Variants in ADGRB3 observed in about 807,000 individuals in gnomAD.
ADGRB3 encodes adhesion G protein-coupled receptor B3.
ADGRB3 carries 37 observed loss-of-function variants against 193.4 expected under a neutral mutation model. The observed-to-expected ratio is 0.19, with a 90% CI of 0.15 to 0.25. The LOEUF is 0.25. Among genes scored for constraint, ADGRB3 ranks in the 10% least tolerant of loss-of-function variants. The pLI, the probability that ADGRB3 is intolerant of heterozygous loss-of-function variation, is 1.00. For missense variants in ADGRB3, 1,637 were observed against 1,852.9 expected, an observed-to-expected ratio of 0.88 and a Z score of 2.14; for synonymous variants, 690 against 644.2, an observed-to-expected ratio of 1.07 and a Z score of -1.08.
chr6:69,169,722 A>C (rs1775224632), intron 17 of ADGRB3, among the ~76,000 whole-genome samples: 1 of 152,108 alleles, frequency 6.6e-6, no homozygotes, highest in Non-Finnish European at 1.5e-5. Flanking sequence ...TAACTAAAGA[A>C]TAATATTCTA....
intron 3 of ADGRB3, among the ~76,000 whole-genome samples, chr6:68,878,737 T>C (rs1038403592): frequency 1.4e-4 from 21 of 152,146 alleles, no homozygotes; most frequent in Non-Finnish European, 3.1e-4. Flanking sequence ...TTCACACTAC[T>C]GATAAAAACA....
intron 8 of ADGRB3, among the ~76,000 whole-genome samples, chr6:68,966,536 G>A (rs1768385857): frequency 6.6e-6 from 1 of 151,934 alleles, no homozygotes; most frequent in South Asian, 2.1e-4. Flanking sequence ...CCCACATGTG[G>A]TTCCCAGGAC....
At chr6:69,323,078 C>T (rs916000698) in intron 20 of ADGRB3, among the ~76,000 whole-genome samples, 12 of 151,952 alleles carry the variant, frequency 7.9e-5, no homozygotes, top group Non-Finnish European at 1.2e-4. Flanking sequence ...AATCTCTGTA[C>T]TCAGACATTG....
intron 13 of ADGRB3, among the ~76,000 whole-genome samples, chr6:69,027,078 C>CT (rs903427976): frequency 9.9e-5 from 15 of 152,058 alleles, no homozygotes; most frequent in East Asian, 1.9e-4. Context: ...ACTTTATAAA[C>CT]TTTTTTTTAA....
chr6:69,125,183 G>A (rs1446115068), intron 17 of ADGRB3, among the ~76,000 whole-genome samples: 1 of 152,102 alleles, frequency 6.6e-6, no homozygotes, highest in African/African-American at 2.4e-5. Context: ...TTCCCTGTTT[G>A]TGTAATCCTT....
chr6:69,002,658 T>C (rs917034806), intron 11 of ADGRB3, among the ~76,000 whole-genome samples: 5 of 152,218 alleles, frequency 3.3e-5, no homozygotes, highest in African/African-American at 9.6e-5. Context: ...CCAGACACTA[T>C]TGGCTTTTTT....
chr6:68,832,136 A>G (rs1302583920), intron 3 of ADGRB3, among the ~76,000 whole-genome samples: 1 of 152,142 alleles, frequency 6.6e-6, no homozygotes. Context: ...TGAATAATCT[A>G]GTAGGATTAG....
intron 3 of ADGRB3, among the ~76,000 whole-genome samples, chr6:68,685,802 G>T (rs149810640): frequency 0.016 from 2,435 of 152,104 alleles, 50 homozygotes; most frequent in Non-Finnish European, 0.019. Context: ...CTGAGGCAGA[G>T]AATTGCTTAA....
At chr6:68,901,027 C>T (rs1357231574) in intron 3 of ADGRB3, among the ~76,000 whole-genome samples, 3 of 152,104 alleles carry the variant, frequency 2.0e-5, no homozygotes, top group African/African-American at 7.2e-5. Context: ...TTACCATGAG[C>T]CCTACTTCTT....
intron 17 of ADGRB3, among the ~76,000 whole-genome samples, chr6:69,110,086 T>TA: frequency 6.6e-6 from 1 of 152,088 alleles, no homozygotes; most frequent in East Asian, 1.9e-4. Context: ...TAGCTGGGAT[T>TA]ACAGGCGCCT....
Position 68,911,912 on chromosome 6 carries a change from T to G in ADGRB3, c.758-18647T>G, listed in dbSNP as rs561517231. 1.8e-4 allele frequency among the ~76,000 whole-genome samples: 27 copies of G among 152,112 alleles called. No homozygotes were observed. In the South Asian group the frequency reaches 2.3e-3, roughly 13 times the overall value. ...TTTTAATGTCTGGAAGGATATCTTT[T>G]GAGACTTGTTTTTGAGGTCAATCTA... On this transcript the variant is annotated intron_variant, in intron 3 of 31. Coordinates refer to ENST00000370598, the MANE Select transcript of ADGRB3 (RefSeq NM_001704.3).
intron 3 of ADGRB3, among the ~76,000 whole-genome samples, chr6:68,814,180 A>G (rs1767577794): frequency 6.6e-6 from 1 of 152,208 alleles, no homozygotes; most frequent in Non-Finnish European, 1.5e-5. Context: ...CCAACAGTGT[A>G]GAAGTGTTCC....
At chr6:68,652,172 G>A (rs1007063848) in intron 3 of ADGRB3, among the ~76,000 whole-genome samples, 14 of 152,126 alleles carry the variant, frequency 9.2e-5, no homozygotes, top group Middle Eastern at 3.4e-3. Flanking sequence ...GCTGGGTAGC[G>A]TCCGATAAGC....
chr6:69,257,206 T>C lies in ADGRB3; in HGVS notation c.2814+17980T>C, dbSNP rs190821243. 3.1e-3 allele frequency among the ~76,000 whole-genome samples: 468 copies of C among 152,360 alleles called. 3 individuals are homozygous for C. Among genetic ancestry groups the C allele is most frequent in the Non-Finnish European group, 5.0e-3 (338 of 68,040 alleles). On this transcript the variant is annotated intron_variant, in intron 20 of 31. Coordinates refer to ENST00000370598, the MANE Select transcript of ADGRB3 (RefSeq NM_001704.3). ...CTGCCCAGCTTTGGTATCAGAATGA[T>C]GCTGGCCTCATAAAATGAATTAGGG...
chr6:68,884,860 G>A (rs1322737793), intron 3 of ADGRB3, among the ~76,000 whole-genome samples: 2 of 152,068 alleles, frequency 1.3e-5, no homozygotes, highest in African/African-American at 4.8e-5. Context: ...TGGAATTTGA[G>A]CATCTTGAAA....
rs192472007 is a variant in ADGRB3, at chr6:69,179,041, T to C, written c.2481-54249T>C. Among the ~76,000 whole-genome samples the C allele has an allele frequency of 5.2e-4, 79 of 152,340 alleles. No homozygotes were observed. In the East Asian group the frequency reaches 0.01, roughly 20 times the overall value. On this transcript the variant is annotated intron_variant, in intron 17 of 31. Coordinates refer to ENST00000370598, the MANE Select transcript of ADGRB3 (RefSeq NM_001704.3). The stretch of plus-strand genomic sequence containing the variant: ...TTGAATTGTTATGTCAAGTATGTAT[T>C]CCAGGTTGTTTTCTTTTTCTCTGTC...
rs75818264 is a variant in ADGRB3 at position 68,903,353 on chromosome 6, C to T, written c.758-27206C>T. 1.7e-3 allele frequency among the ~76,000 whole-genome samples: 254 copies of T among 151,938 alleles called. 3 individuals carry two copies. The highest frequency in any genetic ancestry group is 5.8e-3 in the African/African-American group (240 of 41,432). ...TAAATAAAATACCATTATAAAAACCCGACCTCATATTTCTTAATGAATAGA... is the reference window on the plus strand; with the variant it reads ...TAAATAAAATACCATTATAAAAACCTGACCTCATATTTCTTAATGAATAGA... On this transcript the variant is annotated intron_variant, in intron 3 of 31. Coordinates refer to ENST00000370598, the MANE Select transcript of ADGRB3 (RefSeq NM_001704.3).
At chr6:68,803,736 TA>T (rs2127372184) in intron 3 of ADGRB3, among the ~76,000 whole-genome samples, 1 of 152,294 alleles carries the variant, frequency 6.6e-6, no homozygotes, top group South Asian at 2.1e-4. Flanking sequence ...TTTTATTATC[TA>T]AACAAATCTG....
intron 5 of ADGRB3, among the ~76,000 whole-genome samples, chr6:68,943,275 C>A (rs2150251102): frequency 6.6e-6 from 1 of 152,090 alleles, no homozygotes; most frequent in East Asian, 1.9e-4. Flanking sequence ...TAACTTTAAA[C>A]CCACATTTTT....
Sources: gnomAD v4.1 joint callset for allele counts (sites outside exome capture counted in the v4.1 genomes callset) on GRCh38, gnomAD v4.1.1 for gene constraint, MANE v1.5 for transcripts, NCBI Gene and HGNC (gene_info 2026-07-23, HGNC 2026-07-21) for gene names.